Variants in GRID2 observed in about 807,000 individuals in gnomAD.
GRID2 encodes the protein glutamate ionotropic receptor delta type subunit 2.
GRID2 carries 33 observed loss-of-function variants against 114.8 expected under a neutral mutation model. That is an observed-to-expected ratio of 0.29 (90% CI 0.22 to 0.38). The LOEUF (loss-of-function observed/expected upper bound fraction) is 0.38. Ranked by LOEUF, GRID2 falls within the 10% of genes least tolerant of loss-of-function variation. The probability of loss-of-function intolerance (pLI) is 1.00; values close to 1 mark genes in which losing one functional copy is unlikely to be tolerated. For synonymous variants in GRID2, 505 were observed against 449.9 expected (o/e 1.12, Z -1.55); for missense variants, 1,184 against 1,257.7 (o/e 0.94, Z 0.89).
chr4:93,377,087 A>G (rs1763452814), intron 8 of GRID2, among the ~76,000 whole-genome samples: 1 of 152,210 alleles, frequency 6.6e-6, no homozygotes, highest in Non-Finnish European at 1.5e-5. Context: ...TAGAAATAAT[A>G]TTGTATAATG....
chr4:92,790,698 A>C (rs1025145520), intron 2 of GRID2, among the ~76,000 whole-genome samples: 9 of 151,084 alleles, frequency 6.0e-5, no homozygotes, highest in African/African-American at 2.2e-4. Context: ...GATAACATGC[A>C]TGAGCTACTG....
At chr4:92,954,175 GA>G (rs939401850) in intron 2 of GRID2, among the ~76,000 whole-genome samples, 20 of 151,586 alleles carry the variant, frequency 1.3e-4, no homozygotes, top group Non-Finnish European at 2.7e-4. Context: ...ATATAAATAT[GA>G]AAAAAGCATA....
intron 11 of GRID2, among the ~76,000 whole-genome samples, chr4:93,469,918 G>T (rs1398664494): frequency 6.6e-6 from 1 of 152,084 alleles, no homozygotes; most frequent in Non-Finnish European, 1.5e-5. Context: ...ATTTTTAAAT[G>T]GGTCTTTAAT....
intron 8 of GRID2, among the ~76,000 whole-genome samples, chr4:93,384,237 T>C (rs889503685): frequency 1.3e-5 from 2 of 152,118 alleles, no homozygotes; most frequent in South Asian, 2.1e-4. Flanking sequence ...AAATCTTTAA[T>C]ACAATTGAGT....
At chr4:92,417,329 G>T (rs559610145) in intron 1 of GRID2, among the ~76,000 whole-genome samples, 3 of 152,184 alleles carry the variant, frequency 2.0e-5, no homozygotes, top group South Asian at 2.1e-4. Context: ...ACTCTGAAAA[G>T]TAATCCCAAA....
intron 2 of GRID2, among the ~76,000 whole-genome samples, chr4:93,012,604 A>T (rs894208726): frequency 2.0e-5 from 3 of 152,002 alleles, no homozygotes; most frequent in African/African-American, 7.2e-5. Flanking sequence ...TTAATTAGTA[A>T]GGCAAAATGG....
At chr4:92,625,171 T>C (rs1382813986) in intron 2 of GRID2, among the ~76,000 whole-genome samples, 1 of 151,834 alleles carries the variant, frequency 6.6e-6, no homozygotes, top group Non-Finnish European at 1.5e-5. Flanking sequence ...CTTACATTAT[T>C]AAATCTTAGA....
chr4:93,023,313 A>T (rs1723571301), intron 2 of GRID2, among the ~76,000 whole-genome samples: 2 of 151,920 alleles, frequency 1.3e-5, no homozygotes, highest in African/African-American at 4.8e-5. Context: ...AAGAAAAAAA[A>T]TCTGTAGTGA....
chr4:93,324,819 T>C (rs1757649037), intron 8 of GRID2, among the ~76,000 whole-genome samples: 1 of 152,202 alleles, frequency 6.6e-6, no homozygotes, highest in Non-Finnish European at 1.5e-5. Context: ...CTAGTTTACT[T>C]GCGTAGAGGT....
chr4:93,268,925 C>T (rs1363863677), intron 8 of GRID2, among the ~76,000 whole-genome samples: 4 of 151,950 alleles, frequency 2.6e-5, no homozygotes, highest in Admixed American at 2.6e-4. Flanking sequence ...AACGAGTCTC[C>T]CTTTCCTGAG....
chr4:93,516,379 A>G lies in GRID2; in HGVS notation c.2193+968A>G, dbSNP rs149155691. Among the ~76,000 whole-genome samples, 14 of 152,210 alleles carry G rather than the reference A, an allele frequency of 9.2e-5. No homozygotes were observed. In the East Asian group the frequency reaches 9.6e-4, roughly 10 times the overall value. ...CCCTTTATCTGCCACTGCTACTACT[A>G]TGGTCCCTAGAGTCAGCCTAGTAAT... On this transcript the variant is annotated intron_variant, in intron 13 of 15. Coordinates refer to ENST00000282020, the MANE Select transcript of GRID2 (RefSeq NM_001510.4).
intron 5 of GRID2, among the ~76,000 whole-genome samples, chr4:93,208,205 T>C (rs1313889928): frequency 6.6e-6 from 1 of 151,954 alleles, no homozygotes; most frequent in African/African-American, 2.4e-5. Context: ...AAATACAGAA[T>C]TCTAGAATAA....
intron 8 of GRID2, among the ~76,000 whole-genome samples, chr4:93,391,796 G>T (rs1764880353): frequency 1.3e-5 from 2 of 152,102 alleles, no homozygotes; most frequent in Non-Finnish European, 2.9e-5. Context: ...CACATGTTAG[G>T]AGCAGGCTAC....
chr4:93,654,797 T>A lies in GRID2; in HGVS notation c.2360+28362T>A, dbSNP rs535208660. On this transcript the variant is annotated intron_variant, in intron 14 of 15. Coordinates refer to ENST00000282020, the MANE Select transcript of GRID2 (RefSeq NM_001510.4). The stretch of plus-strand genomic sequence containing the variant: ...GAAAATTCCACTGCCCCAGTGTCAG[T>A]GAGTAAGTGAGTATCACATACTTCC... 5.3e-5 allele frequency among the ~76,000 whole-genome samples: 8 copies of A among 152,278 alleles called. No individual in the cohort carries two copies. In the East Asian group the frequency reaches 1.3e-3, roughly 26 times the overall value.
chr4:93,596,658 G>A (rs1172116273), intron 13 of GRID2, among the ~76,000 whole-genome samples: 4 of 152,158 alleles, frequency 2.6e-5, no homozygotes, highest in Non-Finnish European at 5.9e-5. Flanking sequence ...TTTTCCAGAT[G>A]CAAGTAAAAA....
intron 6 of GRID2, among the ~76,000 whole-genome samples, chr4:93,223,096 C>T (rs1745083021): frequency 6.6e-6 from 1 of 152,110 alleles, no homozygotes; most frequent in African/African-American, 2.4e-5. Context: ...CATGTAACTT[C>T]TATATTTTCC....
At chr4:93,796,896 C>A (rs768876163) in intron 1 of GRID2, among the ~76,000 whole-genome samples, 6 of 152,098 alleles carry the variant, frequency 3.9e-5, no homozygotes, top group Non-Finnish European at 8.8e-5. Flanking sequence ...ATTTAATGTA[C>A]AGTCATGCAT....
At chr4:93,461,787 T>A (rs1351235886) in intron 11 of GRID2, among the ~76,000 whole-genome samples, 4 of 152,142 alleles carry the variant, frequency 2.6e-5, no homozygotes, top group Non-Finnish European at 5.9e-5. Flanking sequence ...TATACAACTT[T>A]TGTTGTCATT....
At chr4:93,638,320 A>T (rs1898903) in intron 14 of GRID2, among the ~76,000 whole-genome samples, 24,074 of 68,962 alleles carry the variant, frequency 0.35, 9,151 homozygotes, top group East Asian at 0.67. Flanking sequence ...TTTTTTTTTT[A>T]ATTATACTCT....
Sources: allele counts gnomAD v4.1 joint callset (sites outside exome capture counted in the v4.1 genomes callset), GRCh38; gene constraint gnomAD v4.1.1; transcripts MANE v1.5; gene names NCBI Gene and HGNC (gene_info 2026-07-23, HGNC 2026-07-21).